The following SKIL variants were observed in gnomAD, a reference collection of about 807,000 sequenced individuals.
The protein encoded by SKIL is SKI like proto-oncogene.
SKIL carries 20 observed loss-of-function variants against 69.6 expected under a neutral mutation model. That is an observed-to-expected ratio of 0.29 (90% CI 0.20 to 0.42). The LOEUF (loss-of-function observed/expected upper bound fraction) is 0.42. Among genes scored for constraint, SKIL ranks in the 10% least tolerant of loss-of-function variants. The probability of loss-of-function intolerance (pLI) is 1.00; values close to 1 mark genes in which losing one functional copy is unlikely to be tolerated. For synonymous variants in SKIL, 310 were observed against 279.9 expected (o/e 1.11, Z -1.08); for missense variants, 745 against 783.1 (o/e 0.95, Z 0.58).
chr3:170,372,208 T>C (rs1736830167), intron 2 of SKIL, among the ~76,000 whole-genome samples: 1 of 152,228 alleles, frequency 6.6e-6, no homozygotes, highest in Admixed American at 6.5e-5. Context: ...GATGTTATAT[T>C]ACCAACTTTA....
At chr3:170,380,785 G>T (rs991118720) in intron 2 of SKIL, among the ~76,000 whole-genome samples, 3 of 152,090 alleles carry the variant, frequency 2.0e-5, no homozygotes, top group Non-Finnish European at 2.9e-5. Flanking sequence ...TGAGTTTCAG[G>T]TGATAATCAG....
At chr3:170,372,395 G>T (rs1028329212) in intron 2 of SKIL, among the ~76,000 whole-genome samples, 1 of 152,172 alleles carries the variant, frequency 6.6e-6, no homozygotes, top group African/African-American at 2.4e-5. Flanking sequence ...GACTCCTGAC[G>T]ATCTGTTTTT....
intron 2 of SKIL, among the ~76,000 whole-genome samples, chr3:170,369,082 ATTTTTTTTTTTT>A (rs55652320): frequency 2.4e-5 from 3 of 126,776 alleles, no homozygotes; most frequent in African/African-American, 9.0e-5. Flanking sequence ...TATCCCTGGC[ATTTTTTTTTTTT>A]TTTTTTTTTT....
chr3:170,366,777 C>G (rs76224163), intron 2 of SKIL, among the ~76,000 whole-genome samples: 1 of 151,842 alleles, frequency 6.6e-6, no homozygotes, highest in Admixed American at 6.6e-5. Flanking sequence ...TTACCTGATA[C>G]GAGCTTTTTG....
chr3:170,389,489 AT>A (rs1223657917), intron 4 of SKIL, among the ~76,000 whole-genome samples: 1 of 151,146 alleles, frequency 6.6e-6, no homozygotes, highest in African/African-American at 2.4e-5. Context: ...AATTTTTTGT[AT>A]TTTTTAGTAG....
chr3:170,373,135 T>C (rs944663431), intron 2 of SKIL, among the ~76,000 whole-genome samples: 4 of 151,926 alleles, frequency 2.6e-5, no homozygotes, highest in African/African-American at 9.7e-5. Flanking sequence ...TAGCTGGGAC[T>C]ACAGGCGTGC....
At chr3:170,391,521 A>G (rs1321954877) in intron 6 of SKIL, among the ~76,000 whole-genome samples, 8 of 151,962 alleles carry the variant, frequency 5.3e-5, no homozygotes, top group African/African-American at 1.5e-4. Flanking sequence ...GGGTTTCACC[A>G]TGTTGGTCAG....
chr3:170,377,883 C>T (rs899883507), intron 2 of SKIL, among the ~76,000 whole-genome samples: 2 of 148,206 alleles, frequency 1.3e-5, no homozygotes, highest in South Asian at 4.3e-4. Flanking sequence ...AGATCTCCCA[C>T]ATACATATTT....
rs748991366 is a variant in SKIL, at chr3:170,390,334, C to G, written c.1541C>G (p.Ser514Cys). ...ATTGGCCTTGTTGCTGCCGCTTCAT[C>G]TCCGCTTCTTGTGAAAGATGTCATT... ...VGIGLVAAAS[S>C]PLLVKDVICE... The change falls in exon 5 of 7, where the codon TCT becomes TGT. Residue 514 changes from serine to cysteine, a missense_variant. By Grantham distance (112) the Ser-to-Cys change is moderately radical. Coordinates refer to ENST00000259119, the MANE Select transcript of SKIL (RefSeq NM_005414.5). The G allele has an allele frequency of 6.2e-7, 1 of 1,613,988 alleles. No individual in the cohort carries two copies. The highest frequency in any genetic ancestry group is 1.1e-5 in the South Asian group (1 of 91,082).
rs867929954 is a variant in SKIL at position 170,395,163 on chromosome 3, C to T, written c.*2746C>T. The stretch of plus-strand genomic sequence containing the variant: ...GTGGCGATAGTTTCTGTAGGCTAAA[C>T]TTTATGAGAAAAGTGTACCTACTCT... On this transcript the variant is annotated 3_prime_UTR_variant, in exon 7 of 7. Coordinates refer to ENST00000259119, the MANE Select transcript of SKIL (RefSeq NM_005414.5). The T allele has an allele frequency of 3.3e-5, 5 of 152,110 alleles. No homozygotes were observed. Among genetic ancestry groups the T allele is most frequent in the Non-Finnish European group, 7.4e-5 (5 of 67,974 alleles). 9.4% of individuals were successfully genotyped at this position (152,110 alleles called of 1,614,324 possible). A position where few individuals can be genotyped will look rare whatever the true frequency, so the allele number is the denominator to read the frequency against.
intron 2 of SKIL, among the ~76,000 whole-genome samples, chr3:170,379,818 G>C (rs80304993): frequency 6.6e-6 from 1 of 151,680 alleles, no homozygotes; most frequent in Non-Finnish European, 1.5e-5. Context: ...TAAGTTTTGC[G>C]TTTTTAATAG....
chr3:170,384,405 G>T, intron 3 of SKIL, 128 bp from the exon 4 acceptor site: 3 of 538,512 alleles, frequency 5.6e-6, no homozygotes, highest in Non-Finnish European at 9.9e-6. Context: ...TTTATTTTCT[G>T]AGTTGTAATA....
intron 2 of SKIL, among the ~76,000 whole-genome samples, chr3:170,366,491 C>T (rs1736519958): frequency 6.6e-6 from 1 of 151,902 alleles, no homozygotes; most frequent in Non-Finnish European, 1.5e-5. Flanking sequence ...ACCAGCCTGG[C>T]CAATATGGTG....
chr3:170,384,037 C>T (rs1020935546), intron 3 of SKIL, among the ~76,000 whole-genome samples: 1 of 71,012 alleles, frequency 1.4e-5, no homozygotes. Context: ...AATTACTTGC[C>T]AAAAAAAAAA....
intron 1 of SKIL, chr3:170,358,546 C>T (rs547036710): frequency 1.3e-5 from 2 of 152,834 alleles, no homozygotes; most frequent in East Asian, 1.9e-4. Context: ...CTCTTGCTCT[C>T]TTCCTTGGCC....
At chr3:170,370,713 A>G (rs887001398) in intron 2 of SKIL, among the ~76,000 whole-genome samples, 23 of 152,208 alleles carry the variant, frequency 1.5e-4, no homozygotes, top group Non-Finnish European at 2.4e-4. Flanking sequence ...TATGGGAACA[A>G]GGAATTAAAA....
intron 3 of SKIL, among the ~76,000 whole-genome samples, chr3:170,382,413 A>ATTTTTTTTTTTTTTTTT (rs773770207): frequency 8.4e-6 from 1 of 119,114 alleles, no homozygotes; most frequent in Non-Finnish European, 1.8e-5. Context: ...TGCAACTTTG[A>ATTTTTTTTTTTTTTTTT]TTTTTTTTTT....
intron 2 of SKIL, among the ~76,000 whole-genome samples, chr3:170,362,088 C>T (rs1309687926): frequency 6.6e-6 from 1 of 152,078 alleles, no homozygotes; most frequent in Non-Finnish European, 1.5e-5. Flanking sequence ...GATATTCAGG[C>T]TTGCTCAATA....
In SKIL at chr3:170,390,317, T is replaced by A; in HGVS notation, c.1524T>A (p.Leu508=). 1 of 1,614,132 alleles carries A rather than the reference T, an allele frequency of 6.2e-7. No individual in the cohort carries two copies. Among genetic ancestry groups the A allele is most frequent in the Non-Finnish European group, 8.5e-7 (1 of 1,179,976 alleles). Residue 508 remains leucine (L), a synonymous_variant, in exon 5 of 7, where the codon CTT becomes CTA. Coordinates refer to ENST00000259119, the MANE Select transcript of SKIL (RefSeq NM_005414.5). ...VRDINKVGIG[L]VAAASSPLLV... The stretch of plus-strand genomic sequence containing the variant: ...ACATAAACAAAGTGGGAATTGGCCT[T>A]GTTGCTGCCGCTTCATCTCCGCTTC...
Sources: gnomAD v4.1 joint callset for allele counts (sites outside exome capture counted in the v4.1 genomes callset) on GRCh38, gnomAD v4.1.1 for gene constraint, MANE v1.5 for transcripts, NCBI Gene and HGNC (gene_info 2026-07-23, HGNC 2026-07-21) for gene names.